PIGZ: variants seen among roughly 807,000 people sequenced by gnomAD.
PIGZ encodes the protein GPI alpha-1,2-mannosyltransferase 4.
Under a neutral mutation model 16.4 loss-of-function variants are expected in PIGZ, and 16 were observed. The observed-to-expected ratio is 0.97, with a 90% CI of 0.66 to 1.48. The LOEUF (loss-of-function observed/expected upper bound fraction) is 1.48, where lower values mean the gene tolerates loss of function less well. Among genes scored for constraint, PIGZ ranks in the 40% most tolerant of loss-of-function variants. The pLI, the probability that PIGZ is intolerant of heterozygous loss-of-function variation, is 0.00. For missense variants in PIGZ, 770 were observed against 739.2 expected (o/e 1.04, Z -0.48); for synonymous variants, 409 against 338.4 (o/e 1.21, Z -2.29).
Position 196,946,470 on chromosome 3 carries a change from AG to A in PIGZ, c.*686del, listed in dbSNP as rs1243091476. On this transcript the variant is annotated 3_prime_UTR_variant, in exon 3 of 3. Coordinates refer to ENST00000412723, the MANE Select transcript of PIGZ (RefSeq NM_025163.4). ...ACAACTCCCACTTCCATGCTTGAAG[AG>A]CTTTGTGAGAGCTGTGCCTGTTGAG... is the stretch of plus-strand genomic sequence containing the variant. 1.3e-5 allele frequency: 2 copies of A among 152,254 alleles called. No individual in the cohort carries two copies. Among genetic ancestry groups the A allele is most frequent in the Non-Finnish European group, 2.9e-5 (2 of 68,062 alleles). 9.4% of individuals were successfully genotyped at this position (152,254 alleles called of 1,614,324 possible).
At position 196,947,892 on chromosome 3, in the gene PIGZ, C is replaced by T. The variant is rs757323995; in HGVS notation, c.1005G>A (p.Gln335=). 2 of 1,614,008 alleles carry T rather than the reference C, an allele frequency of 1.2e-6. No homozygotes were observed. Among genetic ancestry groups the T allele is most frequent in the East Asian group, 4.5e-5 (2 of 44,882 alleles). ...CGACTTGCAGCCGTTGCCACGCAGCCTGCAGGGCCTGGGCATGCAGCACCC... is the reference window on the plus strand; with the variant it reads ...CGACTTGCAGCCGTTGCCACGCAGCTTGCAGGGCCTGGGCATGCAGCACCC... The part of the protein sequence containing the change: ...LFGVLHAQAL[Q]AAWQRLQVGL... The change falls in exon 3 of 3, where the codon CAG becomes CAA. Residue 335 remains glutamine, a synonymous_variant. Transcript: ENST00000412723.
At chr3:196,953,168 T>G (rs1335696456) in intron 1 of PIGZ, among the ~76,000 whole-genome samples, 2 of 152,254 alleles carry the variant, frequency 1.3e-5, no homozygotes, top group Non-Finnish European at 2.9e-5. Context: ...CTATTGTTTC[T>G]GTTTCTCTGG....
intron 1 of PIGZ, among the ~76,000 whole-genome samples, chr3:196,955,845 CTGGGAT>C (rs1378643439): frequency 6.6e-6 from 1 of 152,052 alleles, no homozygotes; most frequent in Non-Finnish European, 1.5e-5. Context: ...TCCCAAGATG[CTGGGAT>C]TACAGATGTC....
At chr3:196,959,730 T>C (rs969458374) in intron 1 of PIGZ, among the ~76,000 whole-genome samples, 1 of 152,204 alleles carries the variant, frequency 6.6e-6, no homozygotes, top group Non-Finnish European at 1.5e-5. Context: ...GAGGGGGCTC[T>C]CGCCTCCTTG....
chr3:196,962,126 AAG>A (rs1234584600), intron 1 of PIGZ, among the ~76,000 whole-genome samples: 1 of 152,218 alleles, frequency 6.6e-6, no homozygotes, highest in East Asian at 1.9e-4. Flanking sequence ...GATCTGTACT[AAG>A]AAAAATTCTT....
In PIGZ at chr3:196,948,608, G is replaced by C. The variant is rs1717054227; in HGVS notation, c.289C>G (p.Leu97Val). 3 of 1,555,984 alleles carry C rather than the reference G, an allele frequency of 1.9e-6. No individual in the cohort carries two copies. The highest frequency in any genetic ancestry group is 2.7e-5 in the African/African-American group (2 of 73,392). The change falls in exon 3 of 3, where the codon CTG becomes GTG. Residue 97 changes from leucine to valine, a missense_variant. Transcript: ENST00000412723. ...SSSCRSVLFPLLISGSTFWLL... is the reference protein window; with the variant it reads ...SSSCRSVLFPVLISGSTFWLL... ...CAGAAGGTGGAACCAGAGATCAGCA[G>C]GGGGAAGAGCACCGAGCGGCAGGAG...
At position 196,948,068 on chromosome 3, in the gene PIGZ, T is replaced by C. The variant is rs1200697698; in HGVS notation, c.829A>G (p.Ser277Gly). 6.3e-7 allele frequency: 1 copy of C among 1,587,806 alleles called. No homozygotes were observed. The highest frequency in any genetic ancestry group is 1.7e-5 in the Admixed American group (1 of 58,388). ...GTAGCGGGGCTGGAGAAATACCAGC[T>C]GTCCGTGGCCACAAACACCGCTGCT... is the stretch of plus-strand genomic sequence containing the variant. ...LTAAVFVATDSWYFSSPATSR... is the reference protein window; with the variant it reads ...LTAAVFVATDGWYFSSPATSR... The change falls in exon 3 of 3, where the codon AGC becomes GGC. Residue 277 changes from serine to glycine, a missense_variant. Coordinates refer to ENST00000412723, the MANE Select transcript of PIGZ (RefSeq NM_025163.4).
At chr3:196,964,891 C>A (rs188409575) in intron 1 of PIGZ, among the ~76,000 whole-genome samples, 1 of 152,272 alleles carries the variant, frequency 6.6e-6, no homozygotes, top group East Asian at 1.9e-4. Flanking sequence ...GTCTTACACA[C>A]AAATGAACAG....
At position 196,957,545 on chromosome 3, in the gene PIGZ, G is replaced by GGCTGC; in HGVS notation, c.1-5515_1-5514insGCAGC. On this transcript the variant is annotated intron_variant, in intron 1 of 2. Transcript: ENST00000412723. ...TTACAGGCGCATGCCACCACACCCA[G>GGCTGC]CTAATTTTGTATTTTTAGTAGAGAC... Among the ~76,000 whole-genome samples, 3 of 152,112 alleles carry GGCTGC rather than the reference G, an allele frequency of 2.0e-5. No homozygotes were observed. In the South Asian group the frequency reaches 6.2e-4, roughly 32 times the overall value.
chr3:196,958,577 GC>G (rs1207755510), intron 1 of PIGZ, among the ~76,000 whole-genome samples: 8 of 152,344 alleles, frequency 5.3e-5, no homozygotes, highest in Middle Eastern at 6.8e-3. Context: ...TTTGCAGTTG[GC>G]CAAGATCGCG....
In PIGZ at chr3:196,962,664, C is replaced by T. The variant is rs568457117; in HGVS notation, c.-1+6023G>A. ...GGTGGCAATACTGATCTTTACTGCACGGCAATACTGATCTTTACTGCACTG... is the reference window on the plus strand; with the variant it reads ...GGTGGCAATACTGATCTTTACTGCATGGCAATACTGATCTTTACTGCACTG... On this transcript the variant is annotated intron_variant, in intron 1 of 2. Transcript: ENST00000412723. Among the ~76,000 whole-genome samples the T allele has an allele frequency of 6.9e-3, 807 of 117,714 alleles. 9 individuals carry two copies. The highest frequency in any genetic ancestry group is 0.028 in the African/African-American group (773 of 27,178). 77.2% of individuals were successfully genotyped at this position (117,714 alleles called of 152,430 possible).
intron 1 of PIGZ, among the ~76,000 whole-genome samples, chr3:196,959,606 T>C (rs145172359): frequency 2.0e-5 from 3 of 152,336 alleles, no homozygotes; most frequent in East Asian, 1.9e-4. Flanking sequence ...TGAAACTGTA[T>C]GTCCCCTCCT....
At chr3:196,959,749 G>T (rs528515299) in intron 1 of PIGZ, among the ~76,000 whole-genome samples, 3 of 152,066 alleles carry the variant, frequency 2.0e-5, no homozygotes, top group Non-Finnish European at 2.9e-5. Flanking sequence ...TGGCTTCCGC[G>T]TTGTCAAAAC....
intron 1 of PIGZ, among the ~76,000 whole-genome samples, chr3:196,963,032 G>C (rs1460547155): frequency 1.3e-5 from 2 of 152,236 alleles, no homozygotes; most frequent in Non-Finnish European, 2.9e-5. Flanking sequence ...CACAGGTGTG[G>C]AGGGGCAGGC....
In PIGZ at chr3:196,950,744, C is replaced by CTTT. The variant is rs35150164; in HGVS notation, c.211+1074_211+1076dup. Among the ~76,000 whole-genome samples the CTTT allele has an allele frequency of 5.3e-4, 77 of 145,632 alleles. 1 individual carries two copies. The highest frequency in any genetic ancestry group is 1.5e-3 in the East Asian group (7 of 4,640). On this transcript the variant is annotated intron_variant, in intron 2 of 2. Coordinates refer to ENST00000412723, the MANE Select transcript of PIGZ (RefSeq NM_025163.4). ...ATCTATTCCCTCCTCCTTCATTAGA[C>CTTT]TTTTTTTTTTCTTTTTTTGAGATGG...
intron 1 of PIGZ, among the ~76,000 whole-genome samples, chr3:196,957,639 C>T (rs924358693): frequency 6.6e-6 from 1 of 152,164 alleles, no homozygotes; most frequent in African/African-American, 2.4e-5. Context: ...CTCAGCCTCC[C>T]AAAGTGCTGG....
In PIGZ at chr3:196,965,586, A is replaced by T. The variant is rs1371668589; in HGVS notation, c.-1+3101T>A. ...GTAATGCCAACGTTGCTTGCTAATT[A>T]TTCCTTGAACCCAGCTCTTGTTCCT... On this transcript the variant is annotated intron_variant, in intron 1 of 2. Transcript: ENST00000412723. The surrounding 1 kb of genome is among the most constrained non-coding windows in gnomAD (Gnocchi z 4.2). Among the ~76,000 whole-genome samples the T allele has an allele frequency of 6.6e-6, 1 of 152,076 alleles. No homozygotes were observed. The highest frequency in any genetic ancestry group is 1.5e-5 in the Non-Finnish European group (1 of 68,028).
Position 196,968,210 on chromosome 3 carries a change from GCC to G in PIGZ, c.-1+475_-1+476del, listed in dbSNP as rs1173325300. On this transcript the variant is annotated intron_variant, in intron 1 of 2. Coordinates refer to ENST00000412723, the MANE Select transcript of PIGZ (RefSeq NM_025163.4). ...CCTGGCCCGAAGTGCAGCCCCCGAG[GCC>G]GGGAGCCGAGATTCTTCTCGGCTTC... Among the ~76,000 whole-genome samples the G allele has an allele frequency of 2.0e-5, 3 of 152,332 alleles. No homozygotes were observed. In the East Asian group the frequency reaches 5.8e-4, roughly 29 times the overall value.
intron 2 of PIGZ, among the ~76,000 whole-genome samples, chr3:196,949,807 T>C (rs1717194762): frequency 6.6e-6 from 1 of 151,812 alleles, no homozygotes; most frequent in African/African-American, 2.4e-5. Flanking sequence ...TAACCTCTTC[T>C]CAGGGTTCCA....
Sources: allele counts gnomAD v4.1 joint callset (sites outside exome capture counted in the v4.1 genomes callset), GRCh38; gene constraint gnomAD v4.1.1; non-coding constraint Gnocchi (gnomAD v3.1); transcripts MANE v1.5; gene names NCBI Gene and HGNC (gene_info 2026-07-23, HGNC 2026-07-21).